Variants in EMB observed in about 807,000 individuals in gnomAD.
EMB encodes embigin, also known as embigin homolog.
EMB carries 31 observed loss-of-function variants against 41.4 expected under a neutral mutation model. That is an observed-to-expected ratio of 0.75 (90% CI 0.56 to 1.01). The LOEUF (loss-of-function observed/expected upper bound fraction) is 1.01. Among genes scored for constraint, EMB ranks in the 50% least tolerant of loss-of-function variants. The probability of loss-of-function intolerance (pLI) is 0.00; values close to 1 mark genes in which losing one functional copy is unlikely to be tolerated. For missense variants in EMB, 379 were observed against 388.3 expected (o/e 0.98, Z 0.20); for synonymous variants, 137 against 140.4 (o/e 0.98, Z 0.17).
chr5:50,396,211 TTTTC>T lies in EMB; in HGVS notation c.*3058_*3061del, dbSNP rs1292627991. 2 of 152,208 alleles carry T rather than the reference TTTTC, an allele frequency of 1.3e-5. No individual in the cohort carries two copies. Among genetic ancestry groups the T allele is most frequent in the Non-Finnish European group, 2.9e-5 (2 of 68,038 alleles). 9.4% of individuals were successfully genotyped at this position (152,208 alleles called of 1,614,324 possible). A position where few individuals can be genotyped will look rare whatever the true frequency, so the allele number is the denominator to read the frequency against. Reference sequence around the variant, plus strand: ...AAATACTGAAGTTATAAAAGCTTGTTTTTCTTTATTAGAATACTTTTTTCAATTC... The same window carrying T: ...AAATACTGAAGTTATAAAAGCTTGTTTTTATTAGAATACTTTTTTCAATTC... On this transcript the variant is annotated 3_prime_UTR_variant, in exon 9 of 9. Coordinates refer to ENST00000303221, the MANE Select transcript of EMB (RefSeq NM_198449.3).
upstream of EMB, among the ~76,000 whole-genome samples, chr5:50,441,849 C>T (rs1185028711): frequency 6.6e-6 from 1 of 152,140 alleles, no homozygotes; most frequent in Non-Finnish European, 1.5e-5. Flanking sequence ...AGCCTAACAG[C>T]TTCTGAGGAG....
intron 2 of EMB, among the ~76,000 whole-genome samples, chr5:50,419,805 T>A (rs1745488353): frequency 6.6e-6 from 1 of 151,956 alleles, no homozygotes; most frequent in South Asian, 2.1e-4. Flanking sequence ...ATAGACTGGA[T>A]AAAGAAAATG....
intron 8 of EMB, 86 bp from the exon 9 acceptor site, chr5:50,399,376 A>T (rs1303998144): frequency 1.9e-6 from 3 of 1,557,474 alleles, no homozygotes; most frequent in African/African-American, 2.8e-5. Flanking sequence ...AAAGCAAAAA[A>T]TACTGGGAAG....
intron 2 of EMB, among the ~76,000 whole-genome samples, chr5:50,419,907 T>C (rs973648733): frequency 1.3e-5 from 2 of 152,178 alleles, no homozygotes; most frequent in Admixed American, 1.3e-4. Flanking sequence ...GAAGTCATTA[T>C]CCTCAGCAAA....
intron 6 of EMB, among the ~76,000 whole-genome samples, chr5:50,402,873 C>CA (rs1745186419): frequency 1.1e-5 from 1 of 87,632 alleles, no homozygotes; most frequent in Non-Finnish European, 2.0e-5. Flanking sequence ...GTACCAGTAG[C>CA]ACCAAAAAAA....
At position 50,396,201 on chromosome 5, in the gene EMB, A is replaced by G. The variant is rs569751561; in HGVS notation, c.*3072T>C. 2.4e-4 allele frequency: 37 copies of G among 152,298 alleles called. No individual in the cohort carries two copies. Among genetic ancestry groups the G allele is most frequent in the African/African-American group, 8.9e-4 (37 of 41,582 alleles). The allele number at this position is 152,298 out of a possible 1,614,324, so 9.4% of individuals were successfully genotyped here. On this transcript the variant is annotated 3_prime_UTR_variant, in exon 9 of 9. Transcript: ENST00000303221. ...TAAAAGAAGCAAATACTGAAGTTAT[A>G]AAAGCTTGTTTTTCTTTATTAGAAT...
intron 4 of EMB, among the ~76,000 whole-genome samples, chr5:50,408,825 G>A (rs1322448004): frequency 6.6e-6 from 1 of 151,926 alleles, no homozygotes; most frequent in African/African-American, 2.4e-5. Context: ...TATCCATAAT[G>A]TACAGATGTC....
At chr5:50,404,937 G>A (rs922369749) in intron 5 of EMB, among the ~76,000 whole-genome samples, 5 of 151,754 alleles carry the variant, frequency 3.3e-5, no homozygotes, top group African/African-American at 4.8e-5. Context: ...ATATTTCATT[G>A]TAACATCTAC....
chr5:50,428,143 C>A lies in EMB; in HGVS notation c.196+1G>T. ...CATTATTTGAAACATGATACATTTA[C>A]CAGTCAGTGATATGTTATGACTCTC... On this transcript the variant is annotated splice_donor_variant, in intron 2 of 8. Transcript: ENST00000303221. LOFTEE classifies it high-confidence loss of function. The A allele has an allele frequency of 1.9e-6, 3 of 1,583,632 alleles. No individual in the cohort carries two copies. Among genetic ancestry groups the A allele is most frequent in the Non-Finnish European group, 2.6e-6 (3 of 1,157,988 alleles).
rs1745888467 is a variant in EMB at position 50,440,639 on chromosome 5, G to A, written c.112+401C>T. ...CTTACTCTCGAATCAAGAAAAGGGA[G>A]TAGGCCTTGGGGAAATGTGGCTTTC... On this transcript the variant is annotated intron_variant, in intron 1 of 8. Coordinates refer to ENST00000303221, the MANE Select transcript of EMB (RefSeq NM_198449.3). Among the ~76,000 whole-genome samples, 5 of 151,628 alleles carry A rather than the reference G, an allele frequency of 3.3e-5. No homozygotes were observed. The South Asian group carries it at 1.0e-3, about 32-fold the overall frequency.
intron 7 of EMB, among the ~76,000 whole-genome samples, 167 bp from the exon 8 acceptor site, chr5:50,400,080 T>G (rs1745136679): frequency 6.6e-6 from 1 of 152,070 alleles, no homozygotes; most frequent in African/African-American, 2.4e-5. Flanking sequence ...TTTATGGCAT[T>G]GCTTGAAGAG....
At chr5:50,428,122 A>G in intron 2 of EMB, 22 bp downstream of exon 2, 1 of 1,539,984 alleles carries the variant, frequency 6.5e-7, no homozygotes, top group South Asian at 1.2e-5. Flanking sequence ...GAATTGCATT[A>G]TTTGAAACAT....
chr5:50,418,760 G>A (rs932475130), intron 2 of EMB, among the ~76,000 whole-genome samples: 1 of 152,134 alleles, frequency 6.6e-6, no homozygotes, highest in Admixed American at 6.5e-5. Flanking sequence ...GTCAGCCTGA[G>A]GTCCTTGGCA....
At chr5:50,419,016 G>C (rs1404337658) in intron 2 of EMB, among the ~76,000 whole-genome samples, 5 of 152,040 alleles carry the variant, frequency 3.3e-5, no homozygotes, top group African/African-American at 9.7e-5. Flanking sequence ...GATAATACTT[G>C]GTCCCCAGAA....
intron 2 of EMB, 38 bp downstream of exon 2, chr5:50,428,106 T>C (rs1288207494): frequency 6.7e-7 from 1 of 1,483,100 alleles, no homozygotes; most frequent in Non-Finnish European, 9.3e-7. Context: ...TTAAACCCTT[T>C]TTTTCGAATT....
intron 4 of EMB, among the ~76,000 whole-genome samples, chr5:50,406,209 A>C (rs1160937650): frequency 6.6e-6 from 1 of 151,744 alleles, no homozygotes. Context: ...TAGAGTAATT[A>C]TTTTCTTCAA....
chr5:50,401,901 C>A (rs1406004478), intron 7 of EMB, among the ~76,000 whole-genome samples: 3 of 151,880 alleles, frequency 2.0e-5, no homozygotes, highest in Non-Finnish European at 4.4e-5. Flanking sequence ...CAAAAATTGC[C>A]AGGCTTGAGA....
Position 50,399,350 on chromosome 5 carries a change from T to C in EMB, c.967-60A>G, listed in dbSNP as rs1745121418. 12 of 1,594,188 alleles carry C rather than the reference T, an allele frequency of 7.5e-6. No homozygotes were observed. The Admixed American group carries it at 1.7e-4, about 23-fold the overall frequency. On this transcript the variant is annotated intron_variant, in intron 8 of 8. Transcript: ENST00000303221. Reference sequence around the variant, plus strand: ...TATGTTCTGGTTATTTTATAGTAACTTACTATCACTTTAGCAAAGCAAAAA... The same window carrying C: ...TATGTTCTGGTTATTTTATAGTAACCTACTATCACTTTAGCAAAGCAAAAA...
intron 2 of EMB, among the ~76,000 whole-genome samples, 177 bp downstream of exon 2, chr5:50,427,967 C>T (rs1253412076): frequency 2.6e-5 from 4 of 152,104 alleles, no homozygotes; most frequent in African/African-American, 9.7e-5. Flanking sequence ...CTCCTTTGTG[C>T]GCCCCCAGTA....
Sources: gnomAD v4.1 joint callset for allele counts (sites outside exome capture counted in the v4.1 genomes callset) on GRCh38, gnomAD v4.1.1 for gene constraint, MANE v1.5 for transcripts, NCBI Gene and HGNC (gene_info 2026-07-23, HGNC 2026-07-21) for gene names.